SMAD9: variants seen among roughly 807,000 people sequenced by gnomAD.
The protein encoded by SMAD9 is SMAD family member 9.
A neutral mutation model predicts 46.1 loss-of-function variants in SMAD9; 36 were observed. The observed-to-expected ratio is 0.78, with a 90% CI of 0.60 to 1.03. The LOEUF is 1.03. Among genes scored for constraint, SMAD9 ranks in the 50% least tolerant of loss-of-function variants. SMAD9 has a pLI of 0.00. For synonymous variants in SMAD9, 245 were observed against 237.1 expected, an observed-to-expected ratio of 1.03 and a Z score of -0.31; for missense variants, 572 against 599.8, an observed-to-expected ratio of 0.95 and a Z score of 0.48.
chr13:36,865,570 T>G lies in SMAD9; in HGVS notation c.970A>C (p.Thr324Pro), dbSNP rs758521561. 3 of 1,614,088 alleles carry G rather than the reference T, an allele frequency of 1.9e-6. No homozygotes were observed. The highest frequency in any genetic ancestry group is 2.5e-6 in the Non-Finnish European group (3 of 1,179,938). The change falls in exon 5 of 7, where the codon ACG (threonine) becomes CCG (proline). Residue 324 changes from threonine (T) to proline (P), a missense_variant. Transcript: ENST00000379826. Reference sequence around the variant, plus strand: ...ATATGTCTCCTGGTATTTTCTATCGTTGAGTTTCTGTTTACATTAGAAAGA... The same window carrying G: ...ATATGTCTCCTGGTATTTTCTATCGGTGAGTTTCTGTTTACATTAGAAAGA... ...GLLSNVNRNSTIENTRRHIGK... is the reference protein window; with the variant it reads ...GLLSNVNRNSPIENTRRHIGK...
intron 1 of SMAD9, among the ~76,000 whole-genome samples, chr13:36,900,299 G>A (rs1037695071): frequency 6.6e-6 from 1 of 151,846 alleles, no homozygotes. Context: ...TTTATTTTGT[G>A]AGATGGAGTC....
intron 1 of SMAD9, among the ~76,000 whole-genome samples, chr13:36,918,834 T>A (rs56300743): frequency 0.027 from 4,055 of 152,298 alleles, 174 homozygotes; most frequent in African/African-American, 0.093. Flanking sequence ...ATGCTTGTAG[T>A]AGTCACATTT....
chr13:36,912,528 C>T (rs7986120), intron 1 of SMAD9, among the ~76,000 whole-genome samples: 85,223 of 151,948 alleles, frequency 0.56, 27,764 homozygotes, highest in Non-Finnish European at 0.71. Context: ...GGTCTGGAGG[C>T]CCCTGGCTGG....
At chr13:36,861,550 A>C (rs1252689290) in intron 5 of SMAD9, among the ~76,000 whole-genome samples, 1 of 146,512 alleles carries the variant, frequency 6.8e-6, no homozygotes, top group African/African-American at 2.7e-5. Context: ...TCCCGACCTC[A>C]GGTGACCTGC....
intron 1 of SMAD9, among the ~76,000 whole-genome samples, chr13:36,880,844 TTA>T (rs969119476): frequency 1.9e-4 from 29 of 152,330 alleles, no homozygotes; most frequent in African/African-American, 5.5e-4. Context: ...TAAAAATATT[TTA>T]TGTTAATACA....
chr13:36,897,141 G>C (rs1295907436), intron 1 of SMAD9, among the ~76,000 whole-genome samples: 1 of 152,100 alleles, frequency 6.6e-6, no homozygotes, highest in Non-Finnish European at 1.5e-5. Context: ...AATTACATAA[G>C]TTCTATGGTA....
intron 5 of SMAD9, among the ~76,000 whole-genome samples, chr13:36,856,116 C>G (rs2058121526): frequency 6.6e-6 from 1 of 152,086 alleles, no homozygotes; most frequent in South Asian, 2.1e-4. Context: ...TAAAGAGAAC[C>G]CCAGGCCAGG....
intron 1 of SMAD9, among the ~76,000 whole-genome samples, chr13:36,913,678 T>G (rs1371097973): frequency 6.6e-6 from 1 of 152,168 alleles, no homozygotes; most frequent in Non-Finnish European, 1.5e-5. Flanking sequence ...AAACATATAG[T>G]CAATAAGCTG....
At position 36,859,226 on chromosome 13, in the gene SMAD9, C is replaced by A. The variant is rs557720726; in HGVS notation, c.1004-5551G>T. Among the ~76,000 whole-genome samples, 3 of 151,998 alleles carry A rather than the reference C, an allele frequency of 2.0e-5. No homozygotes were observed. In the South Asian group the frequency reaches 6.2e-4, roughly 32 times the overall value. ...GAGAAGCCTTACATGTGTTCAGAGGCAGAACAAAAGGACTATTTTGAGACA... is the reference window on the plus strand; with the variant it reads ...GAGAAGCCTTACATGTGTTCAGAGGAAGAACAAAAGGACTATTTTGAGACA... On this transcript the variant is annotated intron_variant, in intron 5 of 6. Transcript: ENST00000379826.
At chr13:36,898,813 T>A (rs935916439) in intron 1 of SMAD9, among the ~76,000 whole-genome samples, 2 of 152,184 alleles carry the variant, frequency 1.3e-5, no homozygotes, top group African/African-American at 4.8e-5. Flanking sequence ...GCTAACATAA[T>A]AATTAGTGGT....
At chr13:36,867,180 A>G in intron 4 of SMAD9, 93 bp downstream of exon 4, 1 of 844,966 alleles carries the variant, frequency 1.2e-6, no homozygotes, top group Non-Finnish European at 2.0e-6. Context: ...AGGCCAGTAC[A>G]TTTCTGGTTT....
intron 2 of SMAD9, among the ~76,000 whole-genome samples, chr13:36,878,344 T>C (rs2058367025): frequency 6.6e-6 from 1 of 152,162 alleles, no homozygotes; most frequent in African/African-American, 2.4e-5. Context: ...GATCTGTTCA[T>C]ATACATTCAA....
intron 1 of SMAD9, among the ~76,000 whole-genome samples, chr13:36,911,734 G>C (rs2058663690): frequency 1.4e-5 from 2 of 144,778 alleles, no homozygotes; most frequent in Non-Finnish European, 3.1e-5. Flanking sequence ...TTGAGACAGA[G>C]TTTTGCTCTT....
intron 4 of SMAD9, 57 bp downstream of exon 4, chr13:36,867,216 G>A: frequency 2.7e-6 from 3 of 1,131,896 alleles, no homozygotes; most frequent in Admixed American, 2.0e-5. Context: ...TTTGTTTGGG[G>A]GTAATAGGAA....
chr13:36,877,638 G>A (rs1385249684), intron 2 of SMAD9, among the ~76,000 whole-genome samples: 1 of 151,642 alleles, frequency 6.6e-6, no homozygotes, highest in Non-Finnish European at 1.5e-5. Context: ...TTAAGTAAGC[G>A]AAAAGAGTCA....
intron 1 of SMAD9, among the ~76,000 whole-genome samples, chr13:36,919,765 G>C (rs1347528896): frequency 6.6e-6 from 1 of 150,978 alleles, no homozygotes; most frequent in Non-Finnish European, 1.5e-5. Flanking sequence ...GCAGGCGCGA[G>C]GAAGGCGAGC....
chr13:36,889,296 G>A lies in SMAD9; in HGVS notation c.-186-9421C>T, dbSNP rs530826867. ...TTTCCTGTATTCATCAGAAAGTTGT[G>A]TGCTATTTACTTTAAAATGTGGCTC... On this transcript the variant is annotated intron_variant, in intron 1 of 6. Transcript: ENST00000379826. Among the ~76,000 whole-genome samples the A allele has an allele frequency of 2.6e-5, 4 of 152,248 alleles. No homozygotes were observed. In the East Asian group the frequency reaches 7.7e-4, roughly 29 times the overall value.
At chr13:36,867,213 G>C in intron 4 of SMAD9, 60 bp downstream of exon 4, 2 of 1,108,292 alleles carry the variant, frequency 1.8e-6, no homozygotes. Flanking sequence ...TGCTTTGTTT[G>C]GGGGTAATAG....
intron 1 of SMAD9, among the ~76,000 whole-genome samples, chr13:36,913,398 T>C (rs867995418): frequency 6.6e-6 from 1 of 152,090 alleles, no homozygotes; most frequent in Non-Finnish European, 1.5e-5. Context: ...AGACACAGAG[T>C]AAATAATGGT....
Sources: gnomAD v4.1 joint callset for allele counts (sites outside exome capture counted in the v4.1 genomes callset) on GRCh38, gnomAD v4.1.1 for gene constraint, MANE v1.5 for transcripts, NCBI Gene and HGNC (gene_info 2026-07-23, HGNC 2026-07-21) for gene names.